The following YARS1 variants were observed in gnomAD, a reference collection of about 807,000 sequenced individuals.
YARS1 encodes tyrosyl-tRNA synthetase 1, also known as tyrosine--tRNA ligase, cytoplasmic.
YARS1 carries 36 observed loss-of-function variants against 62.2 expected under a neutral mutation model. That is an observed-to-expected ratio of 0.58 (90% CI 0.44 to 0.76). The LOEUF is 0.76. Ranked by LOEUF, YARS1 falls within the 30% of genes least tolerant of loss-of-function variation. The pLI is 0.00. For missense variants in YARS1, 524 were observed against 639.8 expected (o/e 0.82, Z 1.95); for synonymous variants, 234 against 244.9 (o/e 0.96, Z 0.42).
chr1:32,796,049 C>T (rs1653570873), intron 5 of YARS1, among the ~76,000 whole-genome samples: 1 of 152,066 alleles, frequency 6.6e-6, no homozygotes, highest in Non-Finnish European at 1.5e-5. Flanking sequence ...AATCCCAGTA[C>T]TTTGACAGGC....
Position 32,782,553 on chromosome 1 carries a change from C to T in YARS1, c.907-14G>A, listed in dbSNP as rs1398124502. 2 of 1,613,966 alleles carry T rather than the reference C, an allele frequency of 1.2e-6. No individual in the cohort carries two copies. The highest frequency in any genetic ancestry group is 1.7e-6 in the Non-Finnish European group (2 of 1,180,036). ...AGGATGTACAACCTGCAGAATCGAA[C>T]AAGACCTAGTGAGATAAAGTCTAGA... On this transcript the variant is annotated splice_polypyrimidine_tract_variant and intron_variant, in intron 8 of 12. Transcript: ENST00000373477.
intron 5 of YARS1, among the ~76,000 whole-genome samples, chr1:32,797,182 G>A (rs1377745005): frequency 6.7e-6 from 1 of 149,748 alleles, no homozygotes; most frequent in East Asian, 2.0e-4. Flanking sequence ...GACCTGCCTG[G>A]GCAACACAGG....
chr1:32,789,349 C>T lies in YARS1; in HGVS notation c.684+1813G>A, dbSNP rs533068694. Among the ~76,000 whole-genome samples, 14 of 152,240 alleles carry T rather than the reference C, an allele frequency of 9.2e-5. No homozygotes were observed. In the East Asian group the frequency reaches 1.7e-3, roughly 19 times the overall value. ...AAGGTATCCTAATCAACATTGCTGT[C>T]GACAATGTGTGAGGATACTTGTTCA... On this transcript the variant is annotated intron_variant, in intron 6 of 12. Transcript: ENST00000373477.
At chr1:32,787,124 T>A (rs537525247) in intron 6 of YARS1, 49 bp from the exon 7 acceptor site, 3 of 1,610,646 alleles carry the variant, frequency 1.9e-6, no homozygotes, top group Non-Finnish European at 2.5e-6. Context: ...AAAATGAGAA[T>A]ATGCTCAACT....
At chr1:32,807,266 T>G (rs1638484504) in intron 3 of YARS1, among the ~76,000 whole-genome samples, 1 of 152,202 alleles carries the variant, frequency 6.6e-6, no homozygotes, top group South Asian at 2.1e-4. Context: ...CTTCTCGGTT[T>G]GTTGGCTTTC....
chr1:32,777,863 CA>C lies in YARS1; in HGVS notation c.1476+1518del, dbSNP rs145470920. Reference sequence around the variant, plus strand: ...AAACGTATTATCACTCCAAGCATAGCAAAAGACCAGAAGGAAATAATCACTA... The same window carrying C: ...AAACGTATTATCACTCCAAGCATAGCAAAGACCAGAAGGAAATAATCACTA... On this transcript the variant is annotated intron_variant, in intron 12 of 12. Transcript: ENST00000373477. Among the ~76,000 whole-genome samples the C allele has an allele frequency of 8.5e-3, 1,294 of 152,162 alleles. 17 individuals carry two copies. Among genetic ancestry groups the C allele is most frequent in the African/African-American group, 0.029 (1,221 of 41,492 alleles).
In YARS1 at chr1:32,776,948, CAGAGTGAGACTCCG is replaced by C. The variant is rs1652882886; in HGVS notation, c.1477-871_1477-858del. Among the ~76,000 whole-genome samples, 2 of 151,438 alleles carry C rather than the reference CAGAGTGAGACTCCG, an allele frequency of 1.3e-5. No individual in the cohort carries two copies. The highest frequency in any genetic ancestry group is 2.4e-5 in the African/African-American group (1 of 41,192). On this transcript the variant is annotated intron_variant, in intron 12 of 12. Coordinates refer to ENST00000373477, the MANE Select transcript of YARS1 (RefSeq NM_003680.4). This position sits in a 1 kb window ranked among gnomAD's most constrained non-coding sequence, Gnocchi z 4.0. ...CGCCACCACACTCCAGCCTGGGTGA[CAGAGTGAGACTCCG>C]TCTCCAAAAAAAAAGAGCTTAGTTA...
At chr1:32,810,450 A>T in intron 3 of YARS1, 141 bp downstream of exon 3, 2 of 1,103,210 alleles carry the variant, frequency 1.8e-6, no homozygotes, top group Non-Finnish European at 2.7e-6. Context: ...ATGAGGTTTT[A>T]ATGGACAAAG....
At chr1:32,816,910 A>C in intron 1 of YARS1, 1 of 581,488 alleles carries the variant, frequency 1.7e-6, no homozygotes, top group Non-Finnish European at 3.1e-6. Context: ...CACGTCTGGC[A>C]CTTAATAGGG....
chr1:32,801,334 G>A (rs573532688), intron 4 of YARS1, among the ~76,000 whole-genome samples: 6 of 151,920 alleles, frequency 3.9e-5, no homozygotes, highest in Non-Finnish European at 8.8e-5. Context: ...TTTGTTTCTC[G>A]GTGCATATAA....
rs138957085 is a variant in YARS1, at chr1:32,784,506, C to G, written c.906+1856G>C. Reference sequence around the variant, plus strand: ...TCAGACCAAACCACCTGGAATTCCTCATACATCATGCTGCTTCATCCTACC... The same window carrying G: ...TCAGACCAAACCACCTGGAATTCCTGATACATCATGCTGCTTCATCCTACC... On this transcript the variant is annotated intron_variant, in intron 8 of 12. Coordinates refer to ENST00000373477, the MANE Select transcript of YARS1 (RefSeq NM_003680.4). 4.7e-3 allele frequency among the ~76,000 whole-genome samples: 715 copies of G among 152,230 alleles called. 9 individuals are homozygous for G. Among genetic ancestry groups the G allele is most frequent in the African/African-American group, 0.016 (658 of 41,528 alleles).
intron 6 of YARS1, among the ~76,000 whole-genome samples, chr1:32,788,525 G>C (rs574131970): frequency 4.9e-4 from 74 of 152,248 alleles, no homozygotes; most frequent in African/African-American, 1.7e-3. Flanking sequence ...CCGCCTCCTG[G>C]GTTCAAGCGG....
chr1:32,811,227 C>A (rs1638577836), intron 1 of YARS1, 170 bp from the exon 2 acceptor site: 1 of 1,023,410 alleles, frequency 9.8e-7, no homozygotes, highest in East Asian at 2.4e-5. Flanking sequence ...TTGTTTTAAT[C>A]TGAATTGACT....
chr1:32,797,076 A>G (rs1413469114), intron 5 of YARS1, among the ~76,000 whole-genome samples: 1 of 130,440 alleles, frequency 7.7e-6, no homozygotes, highest in East Asian at 2.3e-4. Context: ...TTCATTAACT[A>G]TATCAAAAAA....
intron 8 of YARS1, among the ~76,000 whole-genome samples, chr1:32,784,701 T>C (rs1653164350): frequency 6.6e-6 from 1 of 152,164 alleles, no homozygotes; most frequent in African/African-American, 2.4e-5. Flanking sequence ...TATATTCACA[T>C]ATATATTTTC....
chr1:32,804,437 G>A (rs548782374), intron 4 of YARS1, among the ~76,000 whole-genome samples: 9 of 151,936 alleles, frequency 5.9e-5, no homozygotes, highest in South Asian at 2.1e-4. Context: ...CCTCCCGGAC[G>A]GGGCGGCTGC....
intron 4 of YARS1, among the ~76,000 whole-genome samples, chr1:32,798,900 C>T (rs563867563): frequency 5.9e-5 from 9 of 152,260 alleles, no homozygotes; most frequent in South Asian, 2.1e-4. Flanking sequence ...CTGCCAGCTC[C>T]GTGGATGGTG....
chr1:32,782,526 C>T lies in YARS1; in HGVS notation c.920G>A (p.Gly307Glu), dbSNP rs1261571630. The T allele has an allele frequency of 5.6e-6, 9 of 1,614,092 alleles. No individual in the cohort carries two copies. The highest frequency in any genetic ancestry group is 2.2e-5 in the East Asian group (1 of 44,872). The change falls in exon 9 of 13, where the codon GGA (glycine) becomes GAA (glutamate). Residue 307 changes from glycine to glutamate, a missense_variant. Gly to Glu is a moderately conservative substitution (Grantham distance 98). Coordinates refer to ENST00000373477, the MANE Select transcript of YARS1 (RefSeq NM_003680.4). ...KDFAAEVVHPGDLKNSVEVAL... is the reference protein window; with the variant it reads ...KDFAAEVVHPEDLKNSVEVAL... ...GACTTCAACAGAATTCTTCAGGTCTCCAGGATGTACAACCTGCAGAATCGA... is the reference window on the plus strand; with the variant it reads ...GACTTCAACAGAATTCTTCAGGTCTTCAGGATGTACAACCTGCAGAATCGA...
intron 6 of YARS1, chr1:32,790,955 A>C: frequency 1.7e-6 from 1 of 573,996 alleles, no homozygotes; most frequent in Non-Finnish European, 3.1e-6. Flanking sequence ...TATCAGCAGC[A>C]AAAACCATTA....
Sources: allele counts gnomAD v4.1 joint callset (sites outside exome capture counted in the v4.1 genomes callset), GRCh38; gene constraint gnomAD v4.1.1; non-coding constraint Gnocchi (gnomAD v3.1); transcripts MANE v1.5; gene names NCBI Gene and HGNC (gene_info 2026-07-23, HGNC 2026-07-21).